Variants in CHL1 observed in about 807,000 individuals in gnomAD.
CHL1 encodes neural cell adhesion molecule L1-like protein.
In CHL1, 96 loss-of-function variants were observed where a neutral mutation model predicts 141.9. The ratio of observed to expected loss-of-function variants is 0.68; its 90% CI spans 0.57 to 0.80. The LOEUF is 0.80. Among genes scored for constraint, CHL1 ranks in the 30% least tolerant of loss-of-function variants. The probability of loss-of-function intolerance (pLI) is 0.00; values close to 1 mark genes in which losing one functional copy is unlikely to be tolerated. For synonymous variants in CHL1, 613 were observed against 502.2 expected (o/e 1.22, Z -2.95); for missense variants, 1,820 against 1,457.2 (o/e 1.25, Z -4.05).
intron 13 of CHL1, among the ~76,000 whole-genome samples, chr3:363,004 G>A (rs73814716): frequency 0.013 from 1,934 of 152,302 alleles, 42 homozygotes; most frequent in African/African-American, 0.044. Context: ...CACTGAGCAT[G>A]GACTTGGATT....
rs532897416 is a variant in CHL1, at chr3:236,112, A to G, written c.-174-8501A>G. Among the ~76,000 whole-genome samples, 27 of 152,310 alleles carry G rather than the reference A, an allele frequency of 1.8e-4. 1 individual carries two copies. In the South Asian group the frequency reaches 4.1e-3, roughly 23 times the overall value. On this transcript the variant is annotated intron_variant, in intron 1 of 27. Transcript: ENST00000256509. ...ATAAGAGATTTGGACCTTGTGTGGC[A>G]GCATTTGGTCTCAGGCCCTGCTCCG...
intron 2 of CHL1, among the ~76,000 whole-genome samples, chr3:251,213 C>G (rs995771082): frequency 6.6e-6 from 1 of 152,056 alleles, no homozygotes; most frequent in Non-Finnish European, 1.5e-5. Context: ...AGAATGCTTT[C>G]ATTTTTCTTG....
At chr3:312,580 G>A (rs1699839414) in intron 2 of CHL1, among the ~76,000 whole-genome samples, 1 of 152,116 alleles carries the variant, frequency 6.6e-6, no homozygotes, top group African/African-American at 2.4e-5. Flanking sequence ...AAATTTGCTG[G>A]ACCTCCTCCC....
At chr3:250,839 G>A (rs1356525560) in intron 2 of CHL1, among the ~76,000 whole-genome samples, 1 of 152,188 alleles carries the variant, frequency 6.6e-6, no homozygotes, top group East Asian at 1.9e-4. Context: ...CTTATGAAAT[G>A]TCTTTCTAGT....
At chr3:315,755 T>C (rs890808946) in intron 2 of CHL1, among the ~76,000 whole-genome samples, 5 of 152,124 alleles carry the variant, frequency 3.3e-5, no homozygotes, top group African/African-American at 4.8e-5. Context: ...TTCCATTGCA[T>C]TGAAGCGACT....
At position 340,917 on chromosome 3, in the gene CHL1, G is replaced by T. The variant is rs1306001570; in HGVS notation, c.508+1G>T. ...TTACACATTTATTGGATGAATATTGGTAAGTAATGCTCCGTTCCATCAAAA... is the reference window on the plus strand; with the variant it reads ...TTACACATTTATTGGATGAATATTGTTAAGTAATGCTCCGTTCCATCAAAA... On this transcript the variant is annotated splice_donor_variant, in intron 6 of 27. Transcript: ENST00000256509. LOFTEE classifies it high-confidence loss of function. 2 of 1,611,784 alleles carry T rather than the reference G, an allele frequency of 1.2e-6. No individual in the cohort carries two copies. The highest frequency in any genetic ancestry group is 1.7e-6 in the Non-Finnish European group (2 of 1,178,718).
At chr3:256,788 T>TAGAAAAAAA in intron 2 of CHL1, among the ~76,000 whole-genome samples, 1 of 152,326 alleles carries the variant, frequency 6.6e-6, no homozygotes, top group East Asian at 1.9e-4. Context: ...GCCTGGGAGC[T>TAGAAAAAAA]TGCTCAGCAT....
intron 9 of CHL1, among the ~76,000 whole-genome samples, chr3:345,183 T>C (rs967803796): frequency 2.0e-5 from 3 of 152,052 alleles, no homozygotes; most frequent in Admixed American, 2.0e-4. Context: ...TTAGTTAAGT[T>C]TAAGAAGCCT....
intron 23 of CHL1, among the ~76,000 whole-genome samples, chr3:392,355 T>C (rs1385128328): frequency 1.3e-5 from 2 of 152,226 alleles, no homozygotes. Context: ...ATCCAATGTC[T>C]ATGGGTTGCT....
intron 1 of CHL1, among the ~76,000 whole-genome samples, chr3:200,478 A>T (rs2125320782): frequency 6.6e-6 from 1 of 152,310 alleles, no homozygotes. Context: ...ACCAAGATTG[A>T]GAATACTATA....
In CHL1 at chr3:390,994, A is replaced by G. The variant is rs1376004615; in HGVS notation, c.2626A>G (p.Thr876Ala). ...WKTKSLLDGR[T>A]HPKEVNILRF... The stretch of plus-strand genomic sequence containing the variant: ...AACAAAAAGTCTGTTGGATGGAAGA[A>G]CACATCCCAAAGAAGTGAACATTCT... Residue 876 changes from threonine (T) to alanine (A), a missense_variant, in exon 22 of 28, where the codon ACA becomes GCA. By Grantham distance (58) the Thr-to-Ala change is moderately conservative. Transcript: ENST00000256509. 3 of 1,614,086 alleles carry G rather than the reference A, an allele frequency of 1.9e-6. No homozygotes were observed. The highest frequency in any genetic ancestry group is 2.5e-6 in the Non-Finnish European group (3 of 1,180,036).
chr3:382,662 C>G lies in CHL1; in HGVS notation c.2167C>G (p.Pro723Ala). The stretch of plus-strand genomic sequence containing the variant: ...CCAGCCGTCAGACCATCATGAAACA[C>G]CACCAGCAGGTATGCAGGTTCTCAC... ...PSQPSDHHET[P>A]PAAPDRNPQN... The change falls in exon 18 of 28, where the codon CCA becomes GCA. Residue 723 changes from proline (P) to alanine (A), a missense_variant. Pro to Ala is a conservative substitution (Grantham distance 27). Coordinates refer to ENST00000256509, the MANE Select transcript of CHL1 (RefSeq NM_006614.4). 6.2e-7 allele frequency: 1 copy of G among 1,613,442 alleles called. No homozygotes were observed. Among genetic ancestry groups the G allele is most frequent in the Non-Finnish European group, 8.5e-7 (1 of 1,179,560 alleles).
intron 8 of CHL1, 86 bp from the exon 9 acceptor site, chr3:344,502 AT>A (rs1702598356): frequency 1.4e-5 from 14 of 970,328 alleles, no homozygotes; most frequent in Non-Finnish European, 2.2e-5. Context: ...CGTGTGTCGG[AT>A]TTTTTGTTTT....
intron 1 of CHL1, among the ~76,000 whole-genome samples, chr3:205,212 G>C (rs1223655599): frequency 6.6e-6 from 1 of 151,074 alleles, no homozygotes; most frequent in Non-Finnish European, 1.5e-5. Flanking sequence ...CTGGGCTCAA[G>C]TTATTCTCTC....
intron 2 of CHL1, among the ~76,000 whole-genome samples, chr3:265,099 G>C (rs559525982): frequency 6.6e-6 from 1 of 152,352 alleles, no homozygotes; most frequent in South Asian, 2.1e-4. Context: ...CGTGTGCCAA[G>C]TGCTGTGTTT....
In CHL1 at chr3:392,510, G is replaced by A. The variant is rs183374840; in HGVS notation, c.2914+713G>A. Among the ~76,000 whole-genome samples the A allele has an allele frequency of 5.9e-5, 9 of 152,336 alleles. No homozygotes were observed. The East Asian group carries it at 1.3e-3, about 23-fold the overall frequency. On this transcript the variant is annotated intron_variant, in intron 23 of 27. Transcript: ENST00000256509. ...ATCAGGTCGTTTTTAATAGCAGCGCGTTCCCTCTGAAACAGTCGTCAAGTT... is the reference window on the plus strand; with the variant it reads ...ATCAGGTCGTTTTTAATAGCAGCGCATTCCCTCTGAAACAGTCGTCAAGTT...
intron 6 of CHL1, 101 bp downstream of exon 6, chr3:341,017 T>C: frequency 7.8e-7 from 1 of 1,283,118 alleles, no homozygotes; most frequent in South Asian, 1.4e-5. Context: ...AATAAAGATC[T>C]CTTAATTTTT....
intron 1 of CHL1, among the ~76,000 whole-genome samples, chr3:204,678 A>T (rs1161209785): frequency 6.6e-6 from 1 of 152,360 alleles, no homozygotes; most frequent in East Asian, 1.9e-4. Flanking sequence ...GTTATGTTCA[A>T]AAGAAATAAC....
In CHL1 at chr3:383,738, TG is replaced by T. The variant is rs967467855; in HGVS notation, c.2177-72del. ...AAACTTACTTAATTATCTGTGTTTT[TG>T]GGGGGCAGGAGTTGTGATATGATGA... On this transcript the variant is annotated intron_variant, in intron 18 of 27. Transcript: ENST00000256509. The T allele has an allele frequency of 2.0e-5, 17 of 868,576 alleles. No individual in the cohort carries two copies. In the African/African-American group the frequency reaches 2.0e-4, roughly 10 times the overall value. The allele number at this position is 868,576 out of a possible 1,614,324, so 53.8% of individuals were successfully genotyped here.
Sources: allele counts gnomAD v4.1 joint callset (sites outside exome capture counted in the v4.1 genomes callset), GRCh38; gene constraint gnomAD v4.1.1; transcripts MANE v1.5; gene names NCBI Gene and HGNC (gene_info 2026-07-23, HGNC 2026-07-21).